The following EIF2AK4 variants were observed in gnomAD, a reference collection of about 807,000 sequenced individuals.
The protein encoded by EIF2AK4 is eIF-2-alpha kinase GCN2.
Under a neutral mutation model 211.1 loss-of-function variants are expected in EIF2AK4, and 139 were observed. The ratio of observed to expected loss-of-function variants is 0.66; its 90% CI spans 0.57 to 0.76. EIF2AK4 has a LOEUF of 0.76. EIF2AK4 is among the 30% of genes least tolerant of loss of function. The probability of loss-of-function intolerance (pLI) is 0.00; values close to 1 mark genes in which losing one functional copy is unlikely to be tolerated. For synonymous variants in EIF2AK4, 710 were observed against 751.3 expected (o/e 0.94, Z 0.90); for missense variants, 1,664 against 2,043.8 (o/e 0.81, Z 3.58).
At position 39,967,332 on chromosome 15, in the gene EIF2AK4, T is replaced by TG. The variant is rs2034557520; in HGVS notation, c.1018-12_1018-11insG. On this transcript the variant is annotated splice_polypyrimidine_tract_variant and intron_variant, in intron 8 of 38. Coordinates refer to ENST00000263791, the MANE Select transcript of EIF2AK4 (RefSeq NM_001013703.4). ...GGCCCAATATTCTTTTTTTTTTTTT[T>TG]TAACTTATCAGATTCAAGGAACAGA... is the stretch of plus-strand genomic sequence containing the variant. 4.5e-6 allele frequency: 7 copies of TG among 1,550,238 alleles called. No homozygotes were observed. Among genetic ancestry groups the TG allele is most frequent in the Non-Finnish European group, 6.1e-6 (7 of 1,145,140 alleles).
chr15:40,016,643 C>T lies in EIF2AK4; in HGVS notation c.3901C>T (p.Leu1301=). The change falls in exon 28 of 39, where the codon CTG becomes TTG. Residue 1301 remains leucine, a synonymous_variant. Transcript: ENST00000263791. ...AAAAGACCTAGAGGAGGTTGTTGGA[C>T]TGTTGAAGAAACTCGGCATCAAGTT... ...GLKDLEEVVG[L]LKKLGIKLQV... The T allele has an allele frequency of 6.2e-7, 1 of 1,614,172 alleles. No individual in the cohort carries two copies.
At chr15:39,959,952 A>G (rs536147117) in intron 6 of EIF2AK4, among the ~76,000 whole-genome samples, 21 of 152,148 alleles carry the variant, frequency 1.4e-4, no homozygotes, top group Non-Finnish European at 2.5e-4. Flanking sequence ...TCACGAGGTC[A>G]GGAGATCGAG....
intron 27 of EIF2AK4, among the ~76,000 whole-genome samples, chr15:40,013,498 G>A (rs1327019720): frequency 6.6e-6 from 1 of 151,884 alleles, no homozygotes; most frequent in Non-Finnish European, 1.5e-5. Flanking sequence ...CATGGCAGAA[G>A]GCACGGAGGA....
chr15:39,974,519 T>A (rs1185108687), intron 11 of EIF2AK4: 1 of 152,164 alleles, frequency 6.6e-6, no homozygotes, highest in Non-Finnish European at 1.5e-5. Flanking sequence ...AAAAAAGGAA[T>A]TAAATTAGTT....
rs564931687 is a variant in EIF2AK4, at chr15:40,003,541, G to A, written c.3357+227G>A. Among the ~76,000 whole-genome samples, 4 of 152,298 alleles carry A rather than the reference G, an allele frequency of 2.6e-5. No homozygotes were observed. In the South Asian group the frequency reaches 8.3e-4, roughly 32 times the overall value. On this transcript the variant is annotated intron_variant, in intron 23 of 38. Coordinates refer to ENST00000263791, the MANE Select transcript of EIF2AK4 (RefSeq NM_001013703.4). The stretch of plus-strand genomic sequence containing the variant: ...TCAGGTGTTTATGGCTCTAGGAACT[G>A]GAGGAACCCTGCATTGCAGGTGCCA...
Position 40,017,240 on chromosome 15 carries a change from C to G in EIF2AK4, c.4063C>G (p.Leu1355Val). ...ILAAGGRYDL[L>V]IPQFRGPQAL... ...CGCAGCTGGAGGCAGATATGACCTGCTGGTGAGGGCTTGCCCTTTATTTAT... is the reference window on the plus strand; with the variant it reads ...CGCAGCTGGAGGCAGATATGACCTGGTGGTGAGGGCTTGCCCTTTATTTAT... Residue 1355 changes from leucine (L) to valine (V), a missense_variant and splice_region_variant, in exon 29 of 39, where the codon CTG becomes GTG. Physicochemically the swap from Leu to Val is conservative, Grantham distance 32. Transcript: ENST00000263791. 1 of 1,610,014 alleles carries G rather than the reference C, an allele frequency of 6.2e-7. No homozygotes were observed. Among genetic ancestry groups the G allele is most frequent in the South Asian group, 1.1e-5 (1 of 90,868 alleles).
At chr15:40,032,530 C>G (rs1021634260) in intron 36 of EIF2AK4, among the ~76,000 whole-genome samples, 1 of 152,218 alleles carries the variant, frequency 6.6e-6, no homozygotes. Flanking sequence ...GTAGCAGCGT[C>G]AGACCTTTCG....
chr15:40,032,757 G>A lies in EIF2AK4; in HGVS notation c.4729G>A (p.Val1577Met). ...QKSSEIEILAVDLPKETILQF... is the reference protein window; with the variant it reads ...QKSSEIEILAMDLPKETILQF... ...GATGTACATTTGTGTGTATTCACAG[G>A]TGGATCTACCCAAAGAAACAATATT... is the stretch of plus-strand genomic sequence containing the variant. Residue 1577 changes from valine to methionine, a missense_variant and splice_region_variant, in exon 37 of 39, where the codon GTG becomes ATG. This residue lies in a region of EIF2AK4 where 138 missense variants were observed against 165.1 expected (regional missense o/e 0.84). Transcript: ENST00000263791. The A allele has an allele frequency of 1.2e-6, 2 of 1,613,522 alleles. No individual in the cohort carries two copies. Among genetic ancestry groups the A allele is most frequent in the South Asian group, 1.1e-5 (1 of 91,014 alleles).
chr15:40,006,313 G>GA (rs921485162), intron 23 of EIF2AK4, among the ~76,000 whole-genome samples: 10 of 150,266 alleles, frequency 6.7e-5, no homozygotes, highest in Middle Eastern at 3.4e-3. Context: ...GCGTTTTGTT[G>GA]AAAAAAAAAG....
chr15:39,970,856 G>A (rs933985265), intron 9 of EIF2AK4, among the ~76,000 whole-genome samples: 5 of 151,912 alleles, frequency 3.3e-5, no homozygotes, highest in Admixed American at 6.6e-5. Flanking sequence ...AGGAAAATAC[G>A]GTATCTTATA....
Position 39,990,382 on chromosome 15 carries a change from G to A in EIF2AK4, c.2631+5G>A, listed in dbSNP as rs368366113. Reference sequence around the variant, plus strand: ...ACAGACCATCTAGCCTTTTCTGTAAGTATTTTAAAAATTAGACTGTACCTA... The same window carrying A: ...ACAGACCATCTAGCCTTTTCTGTAAATATTTTAAAAATTAGACTGTACCTA... On this transcript the variant is annotated splice_donor_5th_base_variant and intron_variant, in intron 16 of 38. Coordinates refer to ENST00000263791, the MANE Select transcript of EIF2AK4 (RefSeq NM_001013703.4). 2.4e-5 allele frequency: 38 copies of A among 1,611,990 alleles called. No homozygotes were observed. Among genetic ancestry groups the A allele is most frequent in the Non-Finnish European group, 3.1e-5 (36 of 1,178,420 alleles).
chr15:39,961,656 A>G, intron 6 of EIF2AK4, 128 bp from the exon 7 acceptor site: 1 of 681,974 alleles, frequency 1.5e-6, no homozygotes, highest in Non-Finnish European at 2.4e-6. Flanking sequence ...TGGGCTAATA[A>G]ACAGTAATAA....
Position 39,951,892 on chromosome 15 carries a change from C to G in EIF2AK4, c.514-2012C>G, listed in dbSNP as rs576357477. On this transcript the variant is annotated intron_variant, in intron 4 of 38. Coordinates refer to ENST00000263791, the MANE Select transcript of EIF2AK4 (RefSeq NM_001013703.4). Reference sequence around the variant, plus strand: ...CAGCGGCGGCTGCAAACGCAATTCTCAAGTGCATCTTAACTGCTTACCTAT... The same window carrying G: ...CAGCGGCGGCTGCAAACGCAATTCTGAAGTGCATCTTAACTGCTTACCTAT... Among the ~76,000 whole-genome samples, 564 of 152,350 alleles carry G rather than the reference C, an allele frequency of 3.7e-3. 4 individuals are homozygous for G. The highest frequency in any genetic ancestry group is 5.9e-3 in the Non-Finnish European group (402 of 68,042).
In EIF2AK4 at chr15:39,967,575, C is replaced by G. The variant is rs759190809; in HGVS notation, c.1249C>G (p.His417Asp). 9.3e-6 allele frequency: 15 copies of G among 1,613,862 alleles called. No individual in the cohort carries two copies. The highest frequency in any genetic ancestry group is 1.3e-5 in the Non-Finnish European group (15 of 1,179,880). Reference protein sequence around the residue: ...AQLLSGLDYLHSNSVVHKVLS... With the variant: ...AQLLSGLDYLDSNSVVHKVLS... ...GCTCCTGTCAGGCCTTGATTATCTG[C>G]ACAGCAATTCTGTGGTGCATAAGGT... is the stretch of plus-strand genomic sequence containing the variant. The change falls in exon 9 of 39, where the codon CAC becomes GAC. Residue 417 changes from histidine to aspartate, a missense_variant. Physicochemically the swap from His to Asp is moderately conservative, Grantham distance 81. Around this residue, in one of 7 missense-constraint regions of EIF2AK4, gnomAD observed 641 missense variants for 729.6 expected, o/e 0.88. Coordinates refer to ENST00000263791, the MANE Select transcript of EIF2AK4 (RefSeq NM_001013703.4).
intron 14 of EIF2AK4, among the ~76,000 whole-genome samples, chr15:39,987,244 T>C (rs549484443): frequency 4.9e-4 from 75 of 152,292 alleles, no homozygotes; most frequent in African/African-American, 1.6e-3. Flanking sequence ...AGGATCACGG[T>C]GTGGGCATCA....
At chr15:39,972,864 C>T in intron 9 of EIF2AK4, 44 bp from the exon 10 acceptor site, 1 of 1,511,772 alleles carries the variant, frequency 6.6e-7, no homozygotes, top group Non-Finnish European at 9.2e-7. Flanking sequence ...TAGTTTAGCA[C>T]TGATTGTTTG....
chr15:40,025,362 T>C (rs2035452827), intron 32 of EIF2AK4, among the ~76,000 whole-genome samples: 1 of 152,186 alleles, frequency 6.6e-6, no homozygotes, highest in Admixed American at 6.5e-5. Context: ...TGAGAAAAAT[T>C]AATCTGCAGG....
intron 29 of EIF2AK4, among the ~76,000 whole-genome samples, chr15:40,017,897 T>C (rs993489890): frequency 2.0e-5 from 3 of 152,108 alleles, no homozygotes; most frequent in Admixed American, 6.5e-5. Context: ...ATTTGTATAA[T>C]GTATGTGCAT....
intron 27 of EIF2AK4, 105 bp downstream of exon 27, chr15:40,011,451 AC>A: frequency 1.1e-6 from 1 of 905,190 alleles, no homozygotes; most frequent in Non-Finnish European, 1.7e-6. Flanking sequence ...AGCGCTTCCT[AC>A]CACCTCGCAG....
Sources: gnomAD v4.1 joint callset for allele counts (sites outside exome capture counted in the v4.1 genomes callset) on GRCh38, gnomAD v4.1.1 for gene constraint, gnomAD v4.1.1 regional missense constraint, MANE v1.5 for transcripts, NCBI Gene and HGNC (gene_info 2026-07-23, HGNC 2026-07-21) for gene names.